Variants in COL4A2 observed in about 807,000 individuals in gnomAD.
COL4A2 encodes the protein collagen type IV alpha 2 chain.
A neutral mutation model predicts 200.2 loss-of-function variants in COL4A2; 99 were observed. That is an observed-to-expected ratio of 0.49 (90% confidence interval 0.42 to 0.58). COL4A2 has a LOEUF of 0.58. Among genes scored for constraint, COL4A2 ranks in the 20% least tolerant of loss-of-function variants. The pLI is 0.00. For synonymous variants in COL4A2, 897 were observed against 900.6 expected (o/e 1.00, Z 0.07); for missense variants, 1,950 against 2,314.1 (o/e 0.84, Z 3.23).
At chr13:110,422,862 A>G (rs760450763) in intron 4 of COL4A2, among the ~76,000 whole-genome samples, 7 of 152,330 alleles carry the variant, frequency 4.6e-5, no homozygotes, top group Non-Finnish European at 7.3e-5. Flanking sequence ...TACTGCCTCA[A>G]TGACATTAAC....
chr13:110,385,561 A>G (rs201705667), intron 4 of COL4A2, among the ~76,000 whole-genome samples: 162 of 87,550 alleles, frequency 1.9e-3, no homozygotes, highest in East Asian at 2.7e-3. Flanking sequence ...GTGTGTGGAT[A>G]GACCGTGGCT....
chr13:110,461,116 G>C (rs1882010291), intron 22 of COL4A2, among the ~76,000 whole-genome samples: 1 of 152,238 alleles, frequency 6.6e-6, no homozygotes, highest in Non-Finnish European at 1.5e-5. Flanking sequence ...GATTTTCCAG[G>C]CTGCGATTTG....
At position 110,482,516 on chromosome 13, in the gene COL4A2, G is replaced by A; in HGVS notation, c.2759G>A (p.Gly920Glu). ...AGCACTTTTCTCTTTTCCTCTGAAG[G>A]AGATAGAGGCTCACCTGGGATGGAT... ...DGMPGTPGLK[G>E]DRGSPGMDGF... The change falls in exon 32 of 48, where the codon GGA (glycine) becomes GAA (glutamate). Residue 920 changes from glycine (G) to glutamate (E), a missense_variant and splice_region_variant. By Grantham distance (98) the Gly-to-Glu change is moderately conservative (BLOSUM62 -2). This residue lies in a region of COL4A2 where 1,385 missense variants were observed against 1,720.5 expected (regional missense o/e 0.80). Coordinates refer to ENST00000360467, the MANE Select transcript of COL4A2 (RefSeq NM_001846.4). 1 of 1,613,800 alleles carries A rather than the reference G, an allele frequency of 6.2e-7. No individual in the cohort carries two copies.
intron 3 of COL4A2, among the ~76,000 whole-genome samples, chr13:110,354,631 T>TTTG (rs1877111082): frequency 6.6e-6 from 1 of 151,974 alleles, no homozygotes; most frequent in African/African-American, 2.4e-5. Flanking sequence ...TTGGAGTTTT[T>TTTG]TTTTTTTATA....
At chr13:110,503,354 G>A (rs370568622) in intron 42 of COL4A2, 29 bp from the exon 43 acceptor site, 168 of 1,588,338 alleles carry the variant, frequency 1.1e-4, no homozygotes, top group Middle Eastern at 1.7e-4. Context: ...ACAGACTTTC[G>A]TGTCCCTAAC....
At chr13:110,493,502 G>T (rs957632952) in intron 39 of COL4A2, among the ~76,000 whole-genome samples, 2 of 152,216 alleles carry the variant, frequency 1.3e-5, no homozygotes, top group African/African-American at 4.8e-5. Flanking sequence ...CAAGGCAGTT[G>T]CTGGGTTGAA....
chr13:110,456,444 G>A, intron 20 of COL4A2: 2 of 311,698 alleles, frequency 6.4e-6, no homozygotes, highest in East Asian at 1.9e-4. Flanking sequence ...GAAGTGTGTA[G>A]CAGTCTTGGA....
At chr13:110,413,490 A>G (rs966646346) in intron 4 of COL4A2, among the ~76,000 whole-genome samples, 1 of 152,170 alleles carries the variant, frequency 6.6e-6, no homozygotes, top group Non-Finnish European at 1.5e-5. Context: ...CCCATGCTTG[A>G]GTCACATCCT....
intron 14 of COL4A2, 110 bp downstream of exon 14, chr13:110,438,147 C>G: frequency 1.2e-6 from 1 of 803,342 alleles, no homozygotes; most frequent in South Asian, 1.5e-5. Context: ...CCGCCAGTCT[C>G]TCATCCCCTT....
intron 20 of COL4A2, among the ~76,000 whole-genome samples, chr13:110,455,900 C>T (rs1881714076): frequency 3.9e-5 from 6 of 152,172 alleles, no homozygotes; most frequent in Admixed American, 3.9e-4. Context: ...GTGTGTATAG[C>T]AACATGCCTT....
chr13:110,457,690 G>T (rs540845462), intron 21 of COL4A2: 5 of 631,020 alleles, frequency 7.9e-6, no homozygotes, highest in South Asian at 7.6e-5. Flanking sequence ...GACCTTCCTA[G>T]CAGCAGTGAG....
At chr13:110,337,416 G>A (rs982125184) in intron 3 of COL4A2, among the ~76,000 whole-genome samples, 1 of 152,240 alleles carries the variant, frequency 6.6e-6, no homozygotes, top group East Asian at 1.9e-4. Context: ...GTCCCAGCAA[G>A]CGTTCCAGCG....
At chr13:110,404,538 C>T (rs1033238989) in intron 4 of COL4A2, among the ~76,000 whole-genome samples, 1 of 152,026 alleles carries the variant, frequency 6.6e-6, no homozygotes, top group African/African-American at 2.4e-5. Context: ...AGGGAGGTGC[C>T]GGGAGTGTAA....
At chr13:110,466,163 T>C in intron 26 of COL4A2, 101 bp downstream of exon 26, 2 of 1,379,574 alleles carry the variant, frequency 1.4e-6, no homozygotes, top group Admixed American at 2.1e-5. Flanking sequence ...ATATTAATAA[T>C]ATGTGCAAGC....
chr13:110,349,034 C>T (rs1207010388), intron 3 of COL4A2, among the ~76,000 whole-genome samples: 2 of 151,990 alleles, frequency 1.3e-5, no homozygotes, highest in African/African-American at 2.4e-5. Flanking sequence ...TTTTTTCATT[C>T]GTCTACATGG....
At chr13:110,330,107 A>C (rs1215682071) in intron 3 of COL4A2, among the ~76,000 whole-genome samples, 1 of 152,246 alleles carries the variant, frequency 6.6e-6, no homozygotes, top group Non-Finnish European at 1.5e-5. Flanking sequence ...TTAGACGGAG[A>C]ATGAGTTTTA....
intron 4 of COL4A2, among the ~76,000 whole-genome samples, chr13:110,396,376 G>T (rs996616278): frequency 1.3e-5 from 2 of 152,204 alleles, no homozygotes; most frequent in Admixed American, 6.5e-5. Context: ...GGACAAGATG[G>T]TTCCCATGCA....
intron 32 of COL4A2, among the ~76,000 whole-genome samples, chr13:110,483,864 A>G (rs1343803140): frequency 6.6e-6 from 1 of 152,252 alleles, no homozygotes; most frequent in Non-Finnish European, 1.5e-5. Context: ...CTCTGTGAGT[A>G]CACTAAAGTT....
chr13:110,441,025 G>A (rs1289651978), intron 16 of COL4A2, among the ~76,000 whole-genome samples: 4 of 152,218 alleles, frequency 2.6e-5, no homozygotes, highest in African/African-American at 4.8e-5. Context: ...TTACGCCCTC[G>A]AGGTGGTTTT....
Sources: allele counts gnomAD v4.1 joint callset (sites outside exome capture counted in the v4.1 genomes callset), GRCh38; gene constraint gnomAD v4.1.1; regional missense constraint gnomAD v4.1.1; transcripts MANE v1.5; gene names NCBI Gene and HGNC (gene_info 2026-07-23, HGNC 2026-07-21).